Variants in FBXL5 observed in about 807,000 individuals in gnomAD.
FBXL5 encodes the protein F-box and leucine rich repeat protein 5.
FBXL5 carries 26 observed loss-of-function variants against 78.3 expected under a neutral mutation model. The observed-to-expected ratio is 0.33, with a 90% CI of 0.24 to 0.46. The LOEUF is 0.46. Ranked by LOEUF, FBXL5 falls within the 20% of genes least tolerant of loss-of-function variation. The pLI, the probability that FBXL5 is intolerant of heterozygous loss-of-function variation, is 1.00. For synonymous variants in FBXL5, 295 were observed against 282.5 expected (o/e 1.04, Z -0.45); for missense variants, 710 against 829.2 (o/e 0.86, Z 1.77).
At chr4:15,640,763 A>C (rs565923420) in intron 3 of FBXL5, 25 bp downstream of exon 3, 1 of 1,283,428 alleles carries the variant, frequency 7.8e-7, no homozygotes, top group South Asian at 1.4e-5. Flanking sequence ...ATAAATCTAA[A>C]TCACGAAAGA....
chr4:15,655,431 C>T, upstream of FBXL5: 1 of 987,842 alleles, frequency 1.0e-6, no homozygotes, highest in Non-Finnish European at 1.2e-6. Flanking sequence ...CCGGCGGGGA[C>T]GCGGGGGCGC....
chr4:15,655,329 C>T lies in FBXL5; in HGVS notation c.-42G>A. ...TCCGCCTCAGCAGCCGCGGCCGCCG[C>T]CTCTCCATAGACACCCTCGCCGCGG... On this transcript the variant is annotated 5_prime_UTR_variant, in exon 1 of 11. Coordinates refer to ENST00000341285, the MANE Select transcript of FBXL5 (RefSeq NM_012161.4). The T allele has an allele frequency of 7.4e-7, 1 of 1,348,942 alleles. No homozygotes were observed. Among genetic ancestry groups the T allele is most frequent in the African/African-American group, 1.5e-5 (1 of 65,948 alleles). 83.6% of individuals were successfully genotyped at this position (1,348,942 alleles called of 1,614,324 possible). A position where few individuals can be genotyped will look rare whatever the true frequency, so the allele number is the denominator to read the frequency against.
Position 15,625,449 on chromosome 4 carries a change from A to G in FBXL5, c.1653T>C (p.Cys551=), listed in dbSNP as rs751681859. ...PAFAYCGHSF[C]CTGTALRTMS... ...TAGTTCTTAAAGCTGTTCCTGTACA[A>G]CAAAATGAGTGACCACAATACGCAA... is the stretch of plus-strand genomic sequence containing the variant. Residue 551 remains cysteine, a synonymous_variant, in exon 9 of 11, where the codon TGT becomes TGC. Coordinates refer to ENST00000341285, the MANE Select transcript of FBXL5 (RefSeq NM_012161.4). The G allele has an allele frequency of 2.5e-6, 4 of 1,613,958 alleles. No individual in the cohort carries two copies. Among genetic ancestry groups the G allele is most frequent in the East Asian group, 2.2e-5 (1 of 44,894 alleles).
chr4:15,661,252 T>C (rs1717296832), upstream of FBXL5, among the ~76,000 whole-genome samples: 1 of 152,202 alleles, frequency 6.6e-6, no homozygotes, highest in Non-Finnish European at 1.5e-5. Flanking sequence ...GGCATGTGCT[T>C]GTAATTGCAC....
intron 1 of FBXL5, among the ~76,000 whole-genome samples, chr4:15,645,496 C>T (rs1715262914): frequency 6.6e-6 from 1 of 152,014 alleles, no homozygotes; most frequent in African/African-American, 2.4e-5. Flanking sequence ...GGCATGATCT[C>T]AGCTCACTGC....
chr4:15,628,204 T>G (rs4698403), intron 6 of FBXL5, among the ~76,000 whole-genome samples, 171 bp from the exon 7 acceptor site: 42,871 of 151,982 alleles, frequency 0.28, 6,268 homozygotes, highest in East Asian at 0.47. Context: ...ATGTGAAAAC[T>G]GAAAAGAACA....
intron 1 of FBXL5, among the ~76,000 whole-genome samples, chr4:15,647,880 G>A (rs1482509512): frequency 6.6e-6 from 1 of 152,106 alleles, no homozygotes; most frequent in Non-Finnish European, 1.5e-5. Context: ...TTGAGACAGG[G>A]TCTTGCTCTG....
At position 15,627,850 on chromosome 4, in the gene FBXL5, T is replaced by G. The variant is rs753276042; in HGVS notation, c.1041+35A>C. The stretch of plus-strand genomic sequence containing the variant: ...AACCAAACTCTTATCATGCTGTTTT[T>G]CTTAATACCCAAACTAGTGTTAATT... On this transcript the variant is annotated intron_variant, in intron 7 of 10. Transcript: ENST00000341285. The G allele has an allele frequency of 3.2e-6, 5 of 1,583,754 alleles. No individual in the cohort carries two copies. The East Asian group carries it at 1.1e-4, about 36-fold the overall frequency.
rs559369895 is a variant in FBXL5, at chr4:15,679,916, C to T, written c.-284+1467G>A. Among the ~76,000 whole-genome samples, 6 of 152,244 alleles carry T rather than the reference C, an allele frequency of 3.9e-5. No homozygotes were observed. In the South Asian group the frequency reaches 8.3e-4, roughly 21 times the overall value. ...AATTCTTTTCAGAATCTGACAGTTA[C>T]CCCTGCAAATGTAGAAATGACATGT... On this transcript the variant is annotated intron_variant, in intron 1 of 4. Coordinates refer to the FBXL5 transcript ENST00000507899.
chr4:15,669,342 A>G (rs969723973), intron 1 of FBXL5, among the ~76,000 whole-genome samples: 1 of 152,222 alleles, frequency 6.6e-6, no homozygotes, highest in Non-Finnish European at 1.5e-5. Context: ...AAAACTAGGA[A>G]AGGTAGAGTA....
Position 15,605,798 on chromosome 4 carries a change from A to G in FBXL5, c.2001T>C (p.Gly667=). The G allele has an allele frequency of 6.2e-7, 1 of 1,613,138 alleles. No homozygotes were observed. Among genetic ancestry groups the G allele is most frequent in the Non-Finnish European group, 8.5e-7 (1 of 1,179,314 alleles). Reference sequence around the variant, plus strand: ...ATCCACTGGCGGTATCAGCATGAGGACCTGTATGAAAACAGAAAAATGTGA... The same window carrying G: ...ATCCACTGGCGGTATCAGCATGAGGGCCTGTATGAAAACAGAAAAATGTGA... ...EYFYYCDNIN[G]PHADTASGCQ... is the part of the protein sequence containing the mutation. Residue 667 remains glycine, a splice_region_variant and synonymous_variant, in exon 11 of 11, where the codon GGT becomes GGC. Coordinates refer to ENST00000341285, the MANE Select transcript of FBXL5 (RefSeq NM_012161.4).
At chr4:15,658,608 G>A (rs941839689), upstream of FBXL5, among the ~76,000 whole-genome samples, 26 of 152,172 alleles carry the variant, frequency 1.7e-4, no homozygotes, top group African/African-American at 6.0e-4. Context: ...TTGGGACTCT[G>A]CAGAGTCGCC....
At chr4:15,665,880 T>C (rs1230177378) in intron 1 of FBXL5, among the ~76,000 whole-genome samples, 2 of 152,070 alleles carry the variant, frequency 1.3e-5, no homozygotes, top group East Asian at 3.9e-4. Context: ...TCTGACACCC[T>C]CCAAAGGAAT....
Position 15,625,189 on chromosome 4 carries a change from T to G in FBXL5, c.1850+63A>C, listed in dbSNP as rs1712907112. ...GAAAAGAATGACTTAGATCAAAATT[T>G]TTATATTCCATTTGGAAATGAGAAC... On this transcript the variant is annotated intron_variant, in intron 9 of 10. Transcript: ENST00000341285. 5.6e-5 allele frequency: 84 copies of G among 1,496,846 alleles called. No individual in the cohort carries two copies. The Middle Eastern group carries it at 9.7e-4, about 17-fold the overall frequency. The allele number at this position is 1,496,846 out of a possible 1,614,324, so 92.7% of individuals were successfully genotyped here. A position where few individuals can be genotyped will look rare whatever the true frequency, so the allele number is the denominator to read the frequency against.
chr4:15,641,784 T>G (rs1202639151), intron 2 of FBXL5, among the ~76,000 whole-genome samples: 1 of 152,028 alleles, frequency 6.6e-6, no homozygotes, highest in Non-Finnish European at 1.5e-5. Context: ...CCCACCACTT[T>G]GGGACGCAGA....
intron 9 of FBXL5, among the ~76,000 whole-genome samples, chr4:15,613,770 C>A (rs533953481): frequency 6.6e-6 from 1 of 152,212 alleles, no homozygotes; most frequent in East Asian, 1.9e-4. Flanking sequence ...TCCTTCATTT[C>A]CAGAAGCTGA....
At chr4:15,666,588 G>C (rs1560250518) in intron 1 of FBXL5, among the ~76,000 whole-genome samples, 1 of 152,122 alleles carries the variant, frequency 6.6e-6, no homozygotes, top group Non-Finnish European at 1.5e-5. Context: ...TTGGACAGCA[G>C]GGTGATTACA....
chr4:15,614,611 G>C (rs1415539241), intron 9 of FBXL5, among the ~76,000 whole-genome samples: 2 of 152,292 alleles, frequency 1.3e-5, no homozygotes, highest in African/African-American at 2.4e-5. Flanking sequence ...TCATGTCTGA[G>C]CTCAGACTGT....
chr4:15,678,168 A>C (rs1718064981), intron 1 of FBXL5, among the ~76,000 whole-genome samples: 1 of 152,206 alleles, frequency 6.6e-6, no homozygotes, highest in Admixed American at 6.5e-5. Context: ...ACATACTTTT[A>C]ACTTATGGGA....
Sources: allele counts gnomAD v4.1 joint callset (sites outside exome capture counted in the v4.1 genomes callset), GRCh38; gene constraint gnomAD v4.1.1; transcripts MANE v1.5; gene names NCBI Gene and HGNC (gene_info 2026-07-23, HGNC 2026-07-21).